The following HUNK variants were observed in gnomAD, a reference collection of about 807,000 sequenced individuals.
HUNK encodes the protein hormonally up-regulated neu tumor-associated kinase.
In HUNK, 21 loss-of-function variants were observed where a neutral mutation model predicts 61.0. The observed-to-expected ratio is 0.34, with a 90% CI of 0.24 to 0.50. The LOEUF is 0.50. Ranked by LOEUF, HUNK falls within the 20% of genes least tolerant of loss-of-function variation. The pLI, the probability that HUNK is intolerant of heterozygous loss-of-function variation, is 0.98. For synonymous variants in HUNK, 371 were observed against 386.1 expected (o/e 0.96, Z 0.46); for missense variants, 772 against 945.7 (o/e 0.82, Z 2.41).
At chr21:31,968,664 T>G (rs9305479) in intron 6 of HUNK, among the ~76,000 whole-genome samples, 82,050 of 150,910 alleles carry the variant, frequency 0.54, 22,726 homozygotes, top group South Asian at 0.61. Flanking sequence ...TTCCCAGGGG[T>G]TGCCTTTTTC....
intron 4 of HUNK, among the ~76,000 whole-genome samples, chr21:31,953,031 T>C (rs1036448923): frequency 3.9e-5 from 6 of 152,264 alleles, no homozygotes; most frequent in African/African-American, 1.4e-4. Context: ...CTACTAATTC[T>C]ATGGGATTAC....
chr21:31,877,076 G>T (rs1204575463), intron 1 of HUNK, among the ~76,000 whole-genome samples: 1 of 152,192 alleles, frequency 6.6e-6, no homozygotes, highest in African/African-American at 2.4e-5. Flanking sequence ...ATCAGTCCAT[G>T]AAAAAGCTGA....
chr21:31,992,118 A>C (rs1568943496), intron 9 of HUNK, among the ~76,000 whole-genome samples: 1 of 152,158 alleles, frequency 6.6e-6, no homozygotes, highest in Non-Finnish European at 1.5e-5. Context: ...CAGGTGGAGC[A>C]CCTGTGGCAG....
Position 31,983,563 on chromosome 21 carries a change from G to A in HUNK, c.1211G>A (p.Arg404Gln), listed in dbSNP as rs201538233. 234 of 1,613,816 alleles carry A rather than the reference G, an allele frequency of 1.4e-4. 1 individual carries two copies. Among genetic ancestry groups the A allele is most frequent in the South Asian group, 8.9e-4 (81 of 91,054 alleles). The change falls in exon 8 of 11, where the codon CGG becomes CAG. Residue 404 changes from arginine (R) to glutamine (Q), a missense_variant. By Grantham distance (43) the Arg-to-Gln change is conservative (BLOSUM62 1). Coordinates refer to ENST00000270112, the MANE Select transcript of HUNK (RefSeq NM_014586.2). ...DIQDSLCYKT[R>Q]LYQIEKYRAP... ...CAGGACAGCCTCTGCTACAAGACCCGGCTCTACCAGATAGAAAAGTACAGG... is the reference window on the plus strand; with the variant it reads ...CAGGACAGCCTCTGCTACAAGACCCAGCTCTACCAGATAGAAAAGTACAGG...
intron 1 of HUNK, among the ~76,000 whole-genome samples, chr21:31,900,910 G>A (rs1342489115): frequency 1.3e-5 from 2 of 152,114 alleles, no homozygotes; most frequent in African/African-American, 4.8e-5. Context: ...AACCCAGAAG[G>A]AGCTGGAAGT....
intron 1 of HUNK, among the ~76,000 whole-genome samples, chr21:31,902,309 G>C (rs570173079): frequency 6.6e-6 from 1 of 152,126 alleles, no homozygotes; most frequent in African/African-American, 2.4e-5. Context: ...TTGGGAGTTC[G>C]AGAGCAGCCT....
chr21:31,935,119 T>C (rs1489583025), intron 2 of HUNK, among the ~76,000 whole-genome samples: 1 of 152,184 alleles, frequency 6.6e-6, no homozygotes, highest in African/African-American at 2.4e-5. Flanking sequence ...CTCAGGGACA[T>C]AACTTCAGGG....
intron 9 of HUNK, among the ~76,000 whole-genome samples, chr21:31,992,546 G>A (rs1353885633): frequency 2.6e-5 from 4 of 152,214 alleles, no homozygotes; most frequent in Non-Finnish European, 5.9e-5. Flanking sequence ...CGAGAGGGCG[G>A]GCTTCGAACC....
chr21:31,949,547 A>G (rs1349224809), intron 4 of HUNK, among the ~76,000 whole-genome samples: 1 of 151,952 alleles, frequency 6.6e-6, no homozygotes, highest in African/African-American at 2.4e-5. Context: ...TTTATGCTAA[A>G]TGGGAAGCTA....
chr21:31,924,353 G>A lies in HUNK; in HGVS notation c.262-115G>A. On this transcript the variant is annotated intron_variant, in intron 1 of 10. Transcript: ENST00000270112. The surrounding 1 kb of genome is among the most constrained non-coding windows in gnomAD (Gnocchi z 5.1). The stretch of plus-strand genomic sequence containing the variant: ...TTCTGTTGATGCTGTTTTAGGTAAG[G>A]TGTTTCTCCTCTGCAGAGACATAGC... The A allele has an allele frequency of 1.2e-6, 1 of 802,756 alleles. No homozygotes were observed. Among genetic ancestry groups the A allele is most frequent in the Non-Finnish European group, 1.9e-6 (1 of 513,784 alleles). 49.7% of individuals were successfully genotyped at this position (802,756 alleles called of 1,614,324 possible).
At chr21:31,874,023 AGT>A in intron 1 of HUNK, 88 bp downstream of exon 1, 9 of 1,073,564 alleles carry the variant, frequency 8.4e-6, no homozygotes, top group East Asian at 3.2e-5. Context: ...TGGGAGTCCC[AGT>A]GTGCAGTCCC....
rs745694854 is a variant in HUNK at position 31,974,509 on chromosome 21, C to A, written c.1011-46C>A. 3.8e-6 allele frequency: 6 copies of A among 1,562,486 alleles called. No individual in the cohort carries two copies. The South Asian group carries it at 7.2e-5, about 19-fold the overall frequency. ...GCCCAGGGGGTCTGTGTGGGGCTCT[C>A]CGTGAAGTGCAGGGGTGACTGGTCC... is the stretch of plus-strand genomic sequence containing the variant. On this transcript the variant is annotated intron_variant, in intron 6 of 10. Coordinates refer to ENST00000270112, the MANE Select transcript of HUNK (RefSeq NM_014586.2).
chr21:31,894,630 C>T (rs1470915458), intron 1 of HUNK, among the ~76,000 whole-genome samples: 1 of 152,052 alleles, frequency 6.6e-6, no homozygotes, highest in East Asian at 1.9e-4. Flanking sequence ...CTGGGTGAAC[C>T]AATTAAAAAA....
At chr21:31,946,593 C>T (rs554522178) in intron 4 of HUNK, among the ~76,000 whole-genome samples, 1 of 151,996 alleles carries the variant, frequency 6.6e-6, no homozygotes, top group Non-Finnish European at 1.5e-5. Context: ...ACATATTGAC[C>T]TCCCTTTTGT....
chr21:31,879,324 G>T (rs928683183), intron 1 of HUNK, among the ~76,000 whole-genome samples: 4 of 152,250 alleles, frequency 2.6e-5, no homozygotes, highest in Admixed American at 2.0e-4. Context: ...CATTTGCAAA[G>T]CACCTGCTTG....
intron 5 of HUNK, among the ~76,000 whole-genome samples, chr21:31,964,008 A>G (rs1427804460): frequency 6.6e-6 from 1 of 152,056 alleles, no homozygotes; most frequent in Non-Finnish European, 1.5e-5. Context: ...TCTCTTCTAC[A>G]CACTTTCTTT....
rs398036366 is a variant in HUNK, at chr21:31,976,769, C to CT, written c.1173+2066dup. 6.7e-3 allele frequency among the ~76,000 whole-genome samples: 914 copies of CT among 136,752 alleles called. 4 individuals are homozygous for CT. The highest frequency in any genetic ancestry group is 0.02 in the Middle Eastern group (5 of 244). 89.7% of individuals were successfully genotyped at this position (136,752 alleles called of 152,430 possible). On this transcript the variant is annotated intron_variant, in intron 7 of 10. Transcript: ENST00000270112. ...GGCGTGAGCCAAAGCACCTGGCCCT[C>CT]TTTTTTTTTTTTTTCTTTTGAGATG...
intron 5 of HUNK, among the ~76,000 whole-genome samples, chr21:31,964,364 C>G (rs141496410): frequency 2.6e-5 from 4 of 152,340 alleles, no homozygotes; most frequent in African/African-American, 9.6e-5. Flanking sequence ...TGTGAAAAGT[C>G]TGATGACAGA....
At chr21:31,912,605 GAT>G (rs1339941908) in intron 1 of HUNK, among the ~76,000 whole-genome samples, 2 of 152,078 alleles carry the variant, frequency 1.3e-5, no homozygotes, top group Non-Finnish European at 2.9e-5. Context: ...GCAGTGGTGT[GAT>G]CACGGCTCAC....
Sources: gnomAD v4.1 joint callset for allele counts (sites outside exome capture counted in the v4.1 genomes callset) on GRCh38, gnomAD v4.1.1 for gene constraint, Gnocchi (gnomAD v3.1) non-coding constraint, MANE v1.5 for transcripts, NCBI Gene and HGNC (gene_info 2026-07-23, HGNC 2026-07-21) for gene names.